VPS54: variants seen among roughly 807,000 people sequenced by gnomAD.
The protein encoded by VPS54 is vacuolar protein sorting-associated protein 54.
VPS54 carries 45 observed loss-of-function variants against 121.5 expected under a neutral mutation model. That is an observed-to-expected ratio of 0.37 (90% confidence interval 0.29 to 0.47). The LOEUF (loss-of-function observed/expected upper bound fraction) is 0.47. Among genes scored for constraint, VPS54 ranks in the 20% least tolerant of loss-of-function variants. VPS54 has a pLI of 0.99. For synonymous variants in VPS54, 371 were observed against 385.8 expected, an observed-to-expected ratio of 0.96 and a Z score of 0.45; for missense variants, 1,090 against 1,131.4, an observed-to-expected ratio of 0.96 and a Z score of 0.52.
At chr2:63,956,364 G>T (rs1185584272) in intron 7 of VPS54, among the ~76,000 whole-genome samples, 4 of 152,098 alleles carry the variant, frequency 2.6e-5, no homozygotes, top group African/African-American at 9.7e-5. Flanking sequence ...ATAATAAACT[G>T]AGTGTTTTGC....
rs527942004 is a variant in VPS54, at chr2:63,934,200, G to T, written c.1399-187C>A. On this transcript the variant is annotated intron_variant, in intron 11 of 22. Transcript: ENST00000272322. ...TGATGTGAAAAAGAACTGGCCAGGAGAAATGGGTTCACTAAAGCTTAGAAA... is the reference window on the plus strand; with the variant it reads ...TGATGTGAAAAAGAACTGGCCAGGATAAATGGGTTCACTAAAGCTTAGAAA... Among the ~76,000 whole-genome samples, 16 of 152,254 alleles carry T rather than the reference G, an allele frequency of 1.1e-4. No homozygotes were observed. The South Asian group carries it at 3.3e-3, about 32-fold the overall frequency.
At chr2:63,948,979 T>C in intron 8 of VPS54, 58 bp downstream of exon 8, 1 of 1,582,112 alleles carries the variant, frequency 6.3e-7, no homozygotes, top group Non-Finnish European at 8.5e-7. Context: ...AAAAATGTGT[T>C]CTAAGCCAAG....
rs371075103 is a variant in VPS54 at position 63,897,444 on chromosome 2, C to A, written c.2828+52G>T. 6.4e-6 allele frequency: 8 copies of A among 1,247,480 alleles called. No individual in the cohort carries two copies. The African/African-American group carries it at 7.6e-5, about 12-fold the overall frequency. The allele number at this position is 1,247,480 out of a possible 1,614,324, so 77.3% of individuals were successfully genotyped here. A position where few individuals can be genotyped will look rare whatever the true frequency, so the allele number is the denominator to read the frequency against. On this transcript the variant is annotated intron_variant, in intron 22 of 22. Coordinates refer to ENST00000272322, the MANE Select transcript of VPS54 (RefSeq NM_016516.3). Reference sequence around the variant, plus strand: ...GATGGCACAAATAATCAAAACTGATCATTAAAACAATTCGATATGGGAGTA... The same window carrying A: ...GATGGCACAAATAATCAAAACTGATAATTAAAACAATTCGATATGGGAGTA...
chr2:64,008,928 T>C (rs1272963172), intron 1 of VPS54, among the ~76,000 whole-genome samples: 1 of 152,220 alleles, frequency 6.6e-6, no homozygotes, highest in East Asian at 1.9e-4. Context: ...AAGAAAAATA[T>C]TTCTGAATGA....
intron 22 of VPS54, among the ~76,000 whole-genome samples, chr2:63,895,210 C>CT (rs1672397159): frequency 6.6e-6 from 1 of 152,098 alleles, no homozygotes; most frequent in African/African-American, 2.4e-5. Flanking sequence ...AATCCCAGCA[C>CT]TTTGGGAGGC....
chr2:64,015,889 C>A (rs1314417012), intron 1 of VPS54, among the ~76,000 whole-genome samples: 1 of 152,088 alleles, frequency 6.6e-6, no homozygotes, highest in East Asian at 1.9e-4. Flanking sequence ...ATATAGTCAC[C>A]CACTTTTCCC....
intron 20 of VPS54, among the ~76,000 whole-genome samples, chr2:63,911,325 A>ACATACCT (rs1438204455): frequency 1.3e-5 from 2 of 152,168 alleles, no homozygotes; most frequent in African/African-American, 4.8e-5. Context: ...TTTGTACATA[A>ACATACCT]ATACAAATTC....
intron 20 of VPS54, among the ~76,000 whole-genome samples, chr2:63,901,442 T>G (rs1672675871): frequency 6.6e-6 from 1 of 152,206 alleles, no homozygotes; most frequent in South Asian, 2.1e-4. Context: ...CTGAAAACCC[T>G]AGCCATAAGG....
At chr2:63,980,716 G>A (rs965158440) in intron 3 of VPS54, among the ~76,000 whole-genome samples, 6 of 151,998 alleles carry the variant, frequency 3.9e-5, no homozygotes, top group African/African-American at 1.4e-4. Flanking sequence ...CTGACACATG[G>A]AAGGCACTCA....
At chr2:64,000,852 C>A (rs1677839039) in intron 1 of VPS54, among the ~76,000 whole-genome samples, 1 of 152,138 alleles carries the variant, frequency 6.6e-6, no homozygotes, top group Admixed American at 6.5e-5. Flanking sequence ...TGAGTCTCAC[C>A]CAAGGCCCAC....
chr2:63,947,213 A>G (rs1488223291), intron 9 of VPS54, among the ~76,000 whole-genome samples, 170 bp downstream of exon 9: 2 of 152,176 alleles, frequency 1.3e-5, no homozygotes, highest in East Asian at 3.9e-4. Flanking sequence ...CTATAGCAAT[A>G]ATCTTTTGGC....
At chr2:63,928,102 C>CTGA (rs1234749682) in intron 12 of VPS54, among the ~76,000 whole-genome samples, 1 of 152,138 alleles carries the variant, frequency 6.6e-6, no homozygotes, top group Non-Finnish European at 1.5e-5. Flanking sequence ...GGATACTATC[C>CTGA]AGCAGAACTT....
At chr2:63,897,358 A>T (rs1436395288) in intron 22 of VPS54, 138 bp downstream of exon 22, 5 of 608,092 alleles carry the variant, frequency 8.2e-6, no homozygotes, top group Non-Finnish European at 1.4e-5. Context: ...AGGGGAAAAA[A>T]AAAACACAAA....
At chr2:63,986,590 G>A (rs935155219) in intron 1 of VPS54, among the ~76,000 whole-genome samples, 6 of 152,262 alleles carry the variant, frequency 3.9e-5, no homozygotes, top group South Asian at 2.1e-4. Context: ...TCAATATACT[G>A]ATTTCATTTA....
intron 2 of VPS54, 131 bp from the exon 3 acceptor site, chr2:63,982,018 T>C (rs1456218112): frequency 1.7e-5 from 17 of 1,005,392 alleles, no homozygotes; most frequent in Non-Finnish European, 1.9e-5. Context: ...CAGTAAATGA[T>C]TTAATAAAAA....
At chr2:64,002,401 T>A (rs1677924736) in intron 1 of VPS54, among the ~76,000 whole-genome samples, 1 of 152,218 alleles carries the variant, frequency 6.6e-6, no homozygotes, top group African/African-American at 2.4e-5. Flanking sequence ...CAGTGGAGCC[T>A]TCTAGTCCAC....
At chr2:63,943,878 C>T (rs922129134) in intron 10 of VPS54, among the ~76,000 whole-genome samples, 1 of 151,614 alleles carries the variant, frequency 6.6e-6, no homozygotes, top group Admixed American at 6.6e-5. Flanking sequence ...GCATGTGCCA[C>T]CATGCCCAAC....
At chr2:63,938,787 C>G (rs1674583879) in intron 11 of VPS54, among the ~76,000 whole-genome samples, 1 of 152,138 alleles carries the variant, frequency 6.6e-6, no homozygotes, top group Admixed American at 6.5e-5. Flanking sequence ...GTAATAGGTA[C>G]AGAGTTTCAG....
intron 12 of VPS54, among the ~76,000 whole-genome samples, chr2:63,925,528 T>C: frequency 6.6e-6 from 1 of 152,232 alleles, no homozygotes; most frequent in East Asian, 1.9e-4. Context: ...ACAGCAATGC[T>C]TGTAACATGT....
Sources: allele counts gnomAD v4.1 joint callset (sites outside exome capture counted in the v4.1 genomes callset), GRCh38; gene constraint gnomAD v4.1.1; transcripts MANE v1.5; gene names NCBI Gene and HGNC (gene_info 2026-07-23, HGNC 2026-07-21).